The following SLC30A8 variants were observed in gnomAD, a reference collection of about 807,000 sequenced individuals.
The protein encoded by SLC30A8 is solute carrier family 30 member 8.
A neutral mutation model predicts 36.9 loss-of-function variants in SLC30A8; 27 were observed. That is an observed-to-expected ratio of 0.73 (90% CI 0.54 to 1.01). The LOEUF (loss-of-function observed/expected upper bound fraction) is 1.01. SLC30A8 is among the 50% of genes least tolerant of loss of function. The pLI, the probability that SLC30A8 is intolerant of heterozygous loss-of-function variation, is 0.00. For synonymous variants in SLC30A8, 164 were observed against 172.4 expected, an observed-to-expected ratio of 0.95 and a Z score of 0.38; for missense variants, 439 against 452.0, an observed-to-expected ratio of 0.97 and a Z score of 0.26.
intron 1 of SLC30A8, among the ~76,000 whole-genome samples, chr8:116,968,731 C>A (rs1013263911): frequency 6.6e-6 from 1 of 151,606 alleles, no homozygotes; most frequent in African/African-American, 2.4e-5. Context: ...ATGACTATTT[C>A]TTTTTTTTAA....
Position 117,080,194 on chromosome 8 carries a change from T to G in SLC30A8, c.-226+40936T>G, listed in dbSNP as rs1818626000. 2.0e-5 allele frequency among the ~76,000 whole-genome samples: 3 copies of G among 152,328 alleles called. No homozygotes were observed. In the South Asian group the frequency reaches 6.2e-4, roughly 32 times the overall value. On this transcript the variant is annotated intron_variant, in intron 2 of 10. Transcript: ENST00000427715. ...TTCATTTTTACTCTTGTTTTACAAA[T>G]AATCCATGGTCATTATAGAAAAAGT...
intron 2 of SLC30A8, among the ~76,000 whole-genome samples, chr8:117,053,193 T>A (rs1817764351): frequency 6.6e-6 from 1 of 152,168 alleles, no homozygotes; most frequent in Non-Finnish European, 1.5e-5. Context: ...CCTCCCAAAG[T>A]GCTGGGATTA....
intron 2 of SLC30A8, among the ~76,000 whole-genome samples, chr8:117,120,495 A>C (rs1410006959): frequency 6.6e-6 from 1 of 151,938 alleles, no homozygotes; most frequent in Non-Finnish European, 1.5e-5. Flanking sequence ...TAAACATAAG[A>C]TCTGAAACAG....
intron 1 of SLC30A8, among the ~76,000 whole-genome samples, chr8:117,016,583 C>T (rs901898873): frequency 2.0e-5 from 3 of 152,304 alleles, no homozygotes; most frequent in Non-Finnish European, 4.4e-5. Context: ...TGTTTAGTCA[C>T]TGAAAACAAA....
intron 1 of SLC30A8, among the ~76,000 whole-genome samples, chr8:116,962,159 G>A (rs924806978): frequency 3.3e-5 from 5 of 151,934 alleles, no homozygotes; most frequent in African/African-American, 1.2e-4. Context: ...TGCCATATAC[G>A]TGGCTAGAAA....
chr8:117,148,018 T>A (rs1324990654), intron 2 of SLC30A8, among the ~76,000 whole-genome samples: 1 of 152,070 alleles, frequency 6.6e-6, no homozygotes, highest in Non-Finnish European at 1.5e-5. Flanking sequence ...TATATTAGGA[T>A]GTTAGACCTT....
chr8:117,061,432 T>C (rs886571229), intron 2 of SLC30A8, among the ~76,000 whole-genome samples: 1 of 152,214 alleles, frequency 6.6e-6, no homozygotes, highest in African/African-American at 2.4e-5. Context: ...CATGCCAAGG[T>C]TTTTGCTTAT....
At chr8:117,130,915 A>C (rs1401108998), upstream of SLC30A8, among the ~76,000 whole-genome samples, 4 of 152,014 alleles carry the variant, frequency 2.6e-5, no homozygotes, top group African/African-American at 2.4e-5. Context: ...TTCTCCCCCC[A>C]AAAATAATGC....
At chr8:116,963,398 A>G (rs1424480279) in intron 1 of SLC30A8, among the ~76,000 whole-genome samples, 5 of 151,734 alleles carry the variant, frequency 3.3e-5, no homozygotes, top group Non-Finnish European at 2.9e-5. Flanking sequence ...CATTTTCATC[A>G]CCCCCAAATG....
At chr8:116,988,489 G>A (rs897443110) in intron 1 of SLC30A8, among the ~76,000 whole-genome samples, 33 of 151,966 alleles carry the variant, frequency 2.2e-4, no homozygotes, top group African/African-American at 7.3e-4. Context: ...CTTTGGGAGC[G>A]GTGCTTTGGC....
chr8:117,001,531 G>A (rs1199183418), intron 1 of SLC30A8, among the ~76,000 whole-genome samples: 1 of 152,080 alleles, frequency 6.6e-6, no homozygotes, highest in Non-Finnish European at 1.5e-5. Context: ...TATTATTATT[G>A]CAACATGCCA....
intron 1 of SLC30A8, among the ~76,000 whole-genome samples, chr8:117,036,899 T>G (rs926897166): frequency 2.0e-5 from 3 of 152,304 alleles, no homozygotes; most frequent in Non-Finnish European, 2.9e-5. Flanking sequence ...GCCTTGATAC[T>G]TTCTGATAAA....
intron 2 of SLC30A8, among the ~76,000 whole-genome samples, chr8:117,086,980 C>G (rs1818903585): frequency 6.6e-6 from 1 of 152,208 alleles, no homozygotes; most frequent in Non-Finnish European, 1.5e-5. Flanking sequence ...TTTTATCTTT[C>G]TTTGCTGCTG....
intron 1 of SLC30A8, among the ~76,000 whole-genome samples, chr8:116,995,546 T>C (rs1256398595): frequency 3.9e-5 from 6 of 152,200 alleles, no homozygotes; most frequent in Non-Finnish European, 7.3e-5. Flanking sequence ...TGTGTCCCTT[T>C]AGAAAGCCCT....
chr8:116,956,537 A>G (rs1814209636), intron 1 of SLC30A8, among the ~76,000 whole-genome samples: 1 of 152,250 alleles, frequency 6.6e-6, no homozygotes, highest in African/African-American at 2.4e-5. Flanking sequence ...AATCATGCTT[A>G]CAACGAAAAT....
chr8:117,001,850 G>A (rs1816020406), intron 1 of SLC30A8, among the ~76,000 whole-genome samples: 1 of 152,102 alleles, frequency 6.6e-6, no homozygotes, highest in African/African-American at 2.4e-5. Context: ...GCTCTGCTAG[G>A]TGCTATGCTT....
chr8:117,169,620 T>TTATAAAGAA (rs1823263001), intron 6 of SLC30A8, among the ~76,000 whole-genome samples: 4 of 152,216 alleles, frequency 2.6e-5, no homozygotes, highest in Admixed American at 2.6e-4. Context: ...AAAATAAGGT[T>TTATAAAGAA]AATTGGCTCA....
At chr8:117,069,368 C>T (rs1189950311) in intron 2 of SLC30A8, among the ~76,000 whole-genome samples, 2 of 152,228 alleles carry the variant, frequency 1.3e-5, no homozygotes, top group Non-Finnish European at 2.9e-5. Flanking sequence ...TATCAAGGAT[C>T]ACCTTACAGA....
At chr8:116,950,540 C>T (rs952816973), upstream of SLC30A8, 4 of 152,200 alleles carry the variant, frequency 2.6e-5, no homozygotes, top group Admixed American at 1.3e-4. Context: ...TTTCCTAAGG[C>T]GTCTCAGGAC....
Sources: allele counts gnomAD v4.1 joint callset (sites outside exome capture counted in the v4.1 genomes callset), GRCh38; gene constraint gnomAD v4.1.1; transcripts MANE v1.5; gene names NCBI Gene and HGNC (gene_info 2026-07-23, HGNC 2026-07-21).